NXN: variants seen among roughly 807,000 people sequenced by gnomAD.
NXN encodes nucleoredoxin 1.
NXN carries 16 observed loss-of-function variants against 48.6 expected under a neutral mutation model. That is an observed-to-expected ratio of 0.33 (90% confidence interval 0.22 to 0.50). The LOEUF (loss-of-function observed/expected upper bound fraction) is 0.50, where lower values mean the gene tolerates loss of function less well. Ranked by LOEUF, NXN falls within the 20% of genes least tolerant of loss-of-function variation. The pLI is 0.98. For synonymous variants in NXN, 281 were observed against 269.6 expected (o/e 1.04, Z -0.41); for missense variants, 492 against 605.5 (o/e 0.81, Z 1.97).
chr17:905,186 G>C (rs2068571511), intron 1 of NXN: 1 of 151,932 alleles, frequency 6.6e-6, no homozygotes, highest in African/African-American at 2.4e-5. Flanking sequence ...GCCGAAGCAG[G>C]CAGACTGCTT....
Position 881,563 on chromosome 17 carries a change from ATGAAG to A in NXN, c.361-55490_361-55486del, listed in dbSNP as rs374930527. Among the ~76,000 whole-genome samples the A allele has an allele frequency of 5.5e-3, 835 of 152,316 alleles. 4 individuals are homozygous for A. The highest frequency in any genetic ancestry group is 0.019 in the African/African-American group (774 of 41,564). ...TTTGAAGAACCGTTTGGTCCATCTT[ATGAAG>A]GTAAATGTTCATTTACCTGATAATC... On this transcript the variant is annotated intron_variant, in intron 1 of 7. Transcript: ENST00000336868.
chr17:814,345 C>A (rs1384059241), intron 5 of NXN, among the ~76,000 whole-genome samples: 3 of 152,120 alleles, frequency 2.0e-5, no homozygotes. Flanking sequence ...CGTTGGCCAC[C>A]AGCAATACCG....
At chr17:911,672 TAGCC>T (rs1180712932) in intron 1 of NXN, among the ~76,000 whole-genome samples, 1 of 151,864 alleles carries the variant, frequency 6.6e-6, no homozygotes, top group Non-Finnish European at 1.5e-5. Flanking sequence ...TTCACCCTGT[TAGCC>T]AGGATGGTCT....
intron 1 of NXN, among the ~76,000 whole-genome samples, chr17:841,432 G>A (rs56011704): frequency 6.1e-5 from 3 of 49,204 alleles, no homozygotes; most frequent in Middle Eastern, 9.1e-3. Flanking sequence ...CATCTCACAC[G>A]GGCGAGCAGG....
chr17:946,309 C>T (rs1313316681), intron 1 of NXN, among the ~76,000 whole-genome samples: 1 of 152,132 alleles, frequency 6.6e-6, no homozygotes, highest in Non-Finnish European at 1.5e-5. Context: ...GCTGGGATTA[C>T]AGGCATCTGC....
At chr17:967,438 C>A (rs2069320094) in intron 1 of NXN, among the ~76,000 whole-genome samples, 2 of 152,140 alleles carry the variant, frequency 1.3e-5, no homozygotes, top group Non-Finnish European at 2.9e-5. Flanking sequence ...CTAAAGCTGA[C>A]CTATATCTGG....
chr17:972,578 C>T (rs1035351272), intron 1 of NXN, among the ~76,000 whole-genome samples: 2 of 152,294 alleles, frequency 1.3e-5, no homozygotes, highest in Non-Finnish European at 2.9e-5. Flanking sequence ...TAGTTCACAA[C>T]GGGACGAGCT....
intron 1 of NXN, among the ~76,000 whole-genome samples, chr17:895,780 T>A (rs570774494): frequency 6.8e-5 from 3 of 44,316 alleles, no homozygotes; most frequent in South Asian, 2.1e-3. Flanking sequence ...ATCGCACCAC[T>A]GCACTCCAGC....
In NXN at chr17:958,170, C is replaced by T. The variant is rs1026615178; in HGVS notation, c.360+21149G>A. 7.9e-5 allele frequency among the ~76,000 whole-genome samples: 12 copies of T among 152,172 alleles called. No individual in the cohort carries two copies. Among genetic ancestry groups the T allele is most frequent in the African/African-American group, 2.7e-4 (11 of 41,448 alleles). On this transcript the variant is annotated intron_variant, in intron 1 of 7. Coordinates refer to ENST00000336868, the MANE Select transcript of NXN (RefSeq NM_022463.5). This position sits in a 1 kb window ranked among gnomAD's most constrained non-coding sequence, Gnocchi z 6.9. ...TAATCCACTGGACTACCCTCCCCCT[C>T]GTTTGAAAAGGTCACTTGCACATTC... is the stretch of plus-strand genomic sequence containing the variant.
chr17:974,072 G>C (rs541749592), intron 1 of NXN, among the ~76,000 whole-genome samples: 1 of 151,716 alleles, frequency 6.6e-6, no homozygotes, highest in Non-Finnish European at 1.5e-5. Context: ...ACCTCATGCC[G>C]GGCGCGGTGG....
chr17:877,441 C>A (rs978079552), intron 1 of NXN, among the ~76,000 whole-genome samples: 1 of 152,142 alleles, frequency 6.6e-6, no homozygotes. Flanking sequence ...CCACCGCGCC[C>A]GGCCGCGACT....
intron 1 of NXN, among the ~76,000 whole-genome samples, chr17:895,538 C>CTT (rs2068469788): frequency 6.6e-6 from 1 of 151,618 alleles, no homozygotes; most frequent in Admixed American, 6.6e-5. Flanking sequence ...TGTGGCCGGG[C>CTT]GCAGTGGCTC....
chr17:874,087 C>T (rs994189412), intron 1 of NXN, among the ~76,000 whole-genome samples: 8 of 152,172 alleles, frequency 5.3e-5, no homozygotes, highest in Non-Finnish European at 8.8e-5. Flanking sequence ...GGAGCAGTAA[C>T]CCTCCTGCTG....
At chr17:863,762 T>G in intron 1 of NXN, 1 of 612,020 alleles carries the variant, frequency 1.6e-6, no homozygotes, top group Non-Finnish European at 2.9e-6. Context: ...TGCACCTGGC[T>G]GACACTGTAT....
chr17:942,159 C>T (rs1278920377), intron 1 of NXN, among the ~76,000 whole-genome samples: 23 of 117,520 alleles, frequency 2.0e-4, no homozygotes, highest in African/African-American at 3.1e-4. Context: ...GGATTTACAG[C>T]GAACAAGATT....
intron 1 of NXN, among the ~76,000 whole-genome samples, chr17:944,334 T>C (rs2069018566): frequency 6.6e-6 from 1 of 152,218 alleles, no homozygotes; most frequent in African/African-American, 2.4e-5. Flanking sequence ...TGTGTTCCTG[T>C]CTCGTCCATA....
At chr17:963,241 C>A (rs998056301) in intron 1 of NXN, among the ~76,000 whole-genome samples, 1 of 133,886 alleles carries the variant, frequency 7.5e-6, no homozygotes, top group Non-Finnish European at 1.5e-5. Flanking sequence ...ACACACACAC[C>A]CCTTTCATTT....
intron 1 of NXN, among the ~76,000 whole-genome samples, chr17:871,709 G>A (rs1443282981): frequency 6.6e-6 from 1 of 152,126 alleles, no homozygotes; most frequent in African/African-American, 2.4e-5. Context: ...AGCTGCATTT[G>A]CTTTTGATAA....
At chr17:896,169 TC>T (rs2068482781) in intron 1 of NXN, among the ~76,000 whole-genome samples, 1 of 151,686 alleles carries the variant, frequency 6.6e-6, no homozygotes, top group Admixed American at 6.6e-5. Context: ...AGAAACCCTG[TC>T]CCTACTAAAA....
Sources: gnomAD v4.1 joint callset for allele counts (sites outside exome capture counted in the v4.1 genomes callset) on GRCh38, gnomAD v4.1.1 for gene constraint, Gnocchi (gnomAD v3.1) non-coding constraint, MANE v1.5 for transcripts, NCBI Gene and HGNC (gene_info 2026-07-23, HGNC 2026-07-21) for gene names.